Variants in PBX1 observed in about 807,000 individuals in gnomAD.
PBX1 encodes PBX homeobox 1, also known as pre-B-cell leukemia transcription factor 1.
In PBX1, 6 loss-of-function variants were observed where a neutral mutation model predicts 53.4. The ratio of observed to expected loss-of-function variants is 0.11; its 90% CI spans 0.06 to 0.22. PBX1 has a LOEUF of 0.22. Ranked by LOEUF, PBX1 falls within the 10% of genes least tolerant of loss-of-function variation. PBX1 has a pLI of 1.00. For synonymous variants in PBX1, 204 were observed against 212.3 expected (o/e 0.96, Z 0.34); for missense variants, 251 against 551.4 (o/e 0.46, Z 5.46).
At chr1:164,877,076 C>A (rs1218981969) in intron 2 of PBX1, among the ~76,000 whole-genome samples, 1 of 151,928 alleles carries the variant, frequency 6.6e-6, no homozygotes, top group African/African-American at 2.4e-5. Context: ...CTGTGACAAC[C>A]CTGTGAAGTA....
intron 1 of PBX1, among the ~76,000 whole-genome samples, chr1:164,561,913 C>A (rs1043475285): frequency 1.3e-5 from 2 of 151,514 alleles, no homozygotes; most frequent in Non-Finnish European, 2.9e-5. Flanking sequence ...TTTAAAAGAC[C>A]CAGGAAAGGT....
intron 2 of PBX1, among the ~76,000 whole-genome samples, chr1:164,732,984 C>G (rs1476920112): frequency 6.6e-6 from 1 of 152,178 alleles, no homozygotes; most frequent in Non-Finnish European, 1.5e-5. Flanking sequence ...TCCACAGTTG[C>G]TTAATGCAAT....
intron 2 of PBX1, among the ~76,000 whole-genome samples, chr1:164,721,921 C>G (rs1412107704): frequency 6.6e-6 from 1 of 152,172 alleles, no homozygotes; most frequent in Non-Finnish European, 1.5e-5. Flanking sequence ...ACAGAACACA[C>G]AAAGTTCTTA....
intron 2 of PBX1, among the ~76,000 whole-genome samples, chr1:164,860,699 C>T (rs1363909306): frequency 1.3e-5 from 2 of 152,124 alleles, no homozygotes; most frequent in Non-Finnish European, 2.9e-5. Flanking sequence ...AGTTATCCAC[C>T]TCTCCACTGA....
intron 2 of PBX1, among the ~76,000 whole-genome samples, chr1:164,648,602 G>A (rs565008313): frequency 1.1e-4 from 16 of 152,286 alleles, no homozygotes; most frequent in African/African-American, 3.6e-4. Flanking sequence ...CCTGTAAATA[G>A]TAGAGAAGGG....
intron 2 of PBX1, among the ~76,000 whole-genome samples, chr1:164,880,780 A>G (rs1672627458): frequency 1.3e-5 from 2 of 152,220 alleles, no homozygotes. Context: ...AGTTCTGTAC[A>G]TACCAGAGAG....
At chr1:164,668,150 C>G (rs1406488513) in intron 2 of PBX1, among the ~76,000 whole-genome samples, 1 of 152,138 alleles carries the variant, frequency 6.6e-6, no homozygotes, top group Non-Finnish European at 1.5e-5. Context: ...TCATCTGTTC[C>G]CAACAGTCAG....
At chr1:164,634,665 C>A (rs12048281) in intron 2 of PBX1, among the ~76,000 whole-genome samples, 16,052 of 152,206 alleles carry the variant, frequency 0.11, 970 homozygotes, top group East Asian at 0.26. Flanking sequence ...ATTAATACAC[C>A]AACACCATCT....
At chr1:164,711,957 T>C (rs1332074067) in intron 2 of PBX1, among the ~76,000 whole-genome samples, 1 of 151,444 alleles carries the variant, frequency 6.6e-6, no homozygotes, top group Non-Finnish European at 1.5e-5. Context: ...GTCTGAAGAG[T>C]AGGGAGAGCT....
chr1:164,769,212 C>T (rs1667238296), intron 2 of PBX1: 1 of 152,158 alleles, frequency 6.6e-6, no homozygotes, highest in African/African-American at 2.4e-5. Flanking sequence ...TAGAGTGGAT[C>T]ATGAAGAATC....
intron 2 of PBX1, chr1:164,639,478 G>A (rs1480067689): frequency 6.6e-6 from 1 of 152,164 alleles, no homozygotes; most frequent in Non-Finnish European, 1.5e-5. Context: ...CCCATCTTAT[G>A]GATGATGAGA....
chr1:164,846,783 A>G lies in PBX1; in HGVS notation c.*107A>G, dbSNP rs1195461173. 6.3e-7 allele frequency: 1 copy of G among 1,589,728 alleles called. No homozygotes were observed. Among genetic ancestry groups the G allele is most frequent in the Non-Finnish European group, 8.6e-7 (1 of 1,168,294 alleles). On this transcript the variant is annotated 3_prime_UTR_variant, in exon 9 of 9. Transcript: ENST00000420696. ...AGCGGTCAGACTGGAGGTCGAAGCAATCAGCAAACACAATAAGAGTCTCCT... is the reference window on the plus strand; with the variant it reads ...AGCGGTCAGACTGGAGGTCGAAGCAGTCAGCAAACACAATAAGAGTCTCCT...
chr1:164,848,740 G>A lies in PBX1; in HGVS notation c.*2064G>A, dbSNP rs779115305. On this transcript the variant is annotated 3_prime_UTR_variant, in exon 9 of 9. Transcript: ENST00000420696. The stretch of plus-strand genomic sequence containing the variant: ...ACATTGACTGCTTGGGAGGCTTCCA[G>A]GGAGAAGTATGAGACCCTGAGGGGT... 1.5e-4 allele frequency: 159 copies of A among 1,058,834 alleles called. No individual in the cohort carries two copies. The highest frequency in any genetic ancestry group is 1.8e-4 in the Non-Finnish European group (157 of 875,298). 65.6% of individuals were successfully genotyped at this position (1,058,834 alleles called of 1,614,324 possible).
At chr1:164,819,431 C>A (rs1379771168) in intron 6 of PBX1, 1 of 152,226 alleles carries the variant, frequency 6.6e-6, no homozygotes, top group African/African-American at 2.4e-5. Flanking sequence ...AAGGGTAGAT[C>A]ACTCCCACAT....
chr1:164,868,224 A>AT (rs1199876499), intron 2 of PBX1, among the ~76,000 whole-genome samples: 4 of 152,048 alleles, frequency 2.6e-5, no homozygotes, highest in African/African-American at 4.8e-5. Context: ...GAGGGGGGCC[A>AT]TTTTTTTTAA....
intron 3 of PBX1, among the ~76,000 whole-genome samples, chr1:164,798,472 A>T (rs1027931070): frequency 2.0e-5 from 3 of 152,252 alleles, no homozygotes; most frequent in African/African-American, 7.2e-5. Flanking sequence ...ATGGATGCTA[A>T]GTCATAGTAA....
At chr1:164,632,213 G>A (rs1206646829) in intron 2 of PBX1, among the ~76,000 whole-genome samples, 1 of 152,152 alleles carries the variant, frequency 6.6e-6, no homozygotes, top group African/African-American at 2.4e-5. Context: ...CGCAGCCTAG[G>A]CATTAATAGC....
Position 164,631,027 on chromosome 1 carries a change from C to T in PBX1, c.265+67716C>T, listed in dbSNP as rs541845606. ...CTGCATCAGGAAGCCCTGGGGACCT[C>T]GCAGAAGTTGAGAGTGTGGAGTGGG... On this transcript the variant is annotated intron_variant, in intron 2 of 8. Coordinates refer to ENST00000420696, the MANE Select transcript of PBX1 (RefSeq NM_002585.4). The T allele has an allele frequency of 1.3e-3, 195 of 152,288 alleles. 2 individuals carry two copies. Among genetic ancestry groups the T allele is most frequent in the African/African-American group, 4.6e-3 (190 of 41,556 alleles). The allele number at this position is 152,288 out of a possible 1,614,324, so 9.4% of individuals were successfully genotyped here. A position where few individuals can be genotyped will look rare whatever the true frequency, so the allele number is the denominator to read the frequency against.
chr1:164,574,693 T>C (rs7549357), intron 2 of PBX1, among the ~76,000 whole-genome samples: 1,767 of 152,178 alleles, frequency 0.012, 36 homozygotes, highest in African/African-American at 0.04. Flanking sequence ...ATTAAAAAAA[T>C]TTTTATTGCT....
Sources: gnomAD v4.1 joint callset for allele counts (sites outside exome capture counted in the v4.1 genomes callset) on GRCh38, gnomAD v4.1.1 for gene constraint, MANE v1.5 for transcripts, NCBI Gene and HGNC (gene_info 2026-07-23, HGNC 2026-07-21) for gene names.